Variants in ANKRD13C observed in about 807,000 individuals in gnomAD.
ANKRD13C encodes the protein ankyrin repeat domain-containing protein 13C.
Under a neutral mutation model 65.5 loss-of-function variants are expected in ANKRD13C, and 16 were observed. That is an observed-to-expected ratio of 0.24 (90% CI 0.17 to 0.37). The LOEUF (loss-of-function observed/expected upper bound fraction) is 0.37, where lower values mean the gene tolerates loss of function less well. Among genes scored for constraint, ANKRD13C ranks in the 10% least tolerant of loss-of-function variants. ANKRD13C has a pLI of 1.00. For missense variants in ANKRD13C, 503 were observed against 655.9 expected (o/e 0.77, Z 2.55); for synonymous variants, 235 against 238.7 (o/e 0.98, Z 0.14).
rs148713883 is a variant in ANKRD13C at position 70,306,327 on chromosome 1, C to T, written c.710-37G>A. 2.7e-3 allele frequency: 3,669 copies of T among 1,361,292 alleles called. 4 individuals are homozygous for T. Among genetic ancestry groups the T allele is most frequent in the Middle Eastern group, 7.2e-3 (38 of 5,292 alleles). 84.3% of individuals were successfully genotyped at this position (1,361,292 alleles called of 1,614,324 possible). On this transcript the variant is annotated intron_variant, in intron 5 of 12. Coordinates refer to ENST00000370944, the MANE Select transcript of ANKRD13C (RefSeq NM_030816.5). Reference sequence around the variant, plus strand: ...AAAACAAAAGGTAAAAAATAACTACCTAAATTTTGAGATATTTACAAACTT... The same window carrying T: ...AAAACAAAAGGTAAAAAATAACTACTTAAATTTTGAGATATTTACAAACTT...
chr1:70,320,923 G>C (rs1421863104), intron 3 of ANKRD13C, among the ~76,000 whole-genome samples: 1 of 151,944 alleles, frequency 6.6e-6, no homozygotes, highest in Non-Finnish European at 1.5e-5. Context: ...CCGCGTAGCT[G>C]GGACTACAGG....
In ANKRD13C at chr1:70,339,788, CTTCT is replaced by C. The variant is rs1682220347; in HGVS notation, c.431-3693_431-3690del. ...GATTCCTAATATCTGTTATTTGTGCCTTCTTTTTCTCTTGATCAGTACGTTTATT... is the reference window on the plus strand; with the variant it reads ...GATTCCTAATATCTGTTATTTGTGCCTTTTCTCTTGATCAGTACGTTTATT... On this transcript the variant is annotated intron_variant, in intron 1 of 12. Coordinates refer to ENST00000370944, the MANE Select transcript of ANKRD13C (RefSeq NM_030816.5). Among the ~76,000 whole-genome samples the C allele has an allele frequency of 2.7e-5, 4 of 148,500 alleles. No homozygotes were observed. The East Asian group carries it at 7.8e-4, about 29-fold the overall frequency.
At chr1:70,267,598 C>T (rs894148365) in intron 12 of ANKRD13C, among the ~76,000 whole-genome samples, 1 of 152,048 alleles carries the variant, frequency 6.6e-6, no homozygotes, top group Admixed American at 6.5e-5. Context: ...ATATTTAGAC[C>T]ATTTACATTT....
intron 3 of ANKRD13C, among the ~76,000 whole-genome samples, chr1:70,322,348 C>T (rs1681347049): frequency 6.6e-6 from 1 of 152,004 alleles, no homozygotes; most frequent in Non-Finnish European, 1.5e-5. Context: ...TTTAAGTTAG[C>T]AGTTAAGTAT....
intron 1 of ANKRD13C, among the ~76,000 whole-genome samples, chr1:70,352,038 T>C (rs1682762234): frequency 6.6e-6 from 1 of 152,020 alleles, no homozygotes; most frequent in South Asian, 2.1e-4. Flanking sequence ...AAAACCTTCC[T>C]TTAAAAAAGT....
intron 7 of ANKRD13C, among the ~76,000 whole-genome samples, chr1:70,297,849 G>T (rs569265999): frequency 2.7e-5 from 4 of 150,312 alleles, no homozygotes; most frequent in Non-Finnish European, 5.9e-5. Flanking sequence ...GGAGGTGGAG[G>T]TTGCGGTGAG....
In ANKRD13C at chr1:70,308,809, AC is replaced by A. The variant is rs1459847657; in HGVS notation, c.710-2520del. On this transcript the variant is annotated intron_variant, in intron 5 of 12. Coordinates refer to ENST00000370944, the MANE Select transcript of ANKRD13C (RefSeq NM_030816.5). ...AACAAACAACCAAACAAATAAAAAA[AC>A]ATTTCTGATAGATTTTAATGCATTC... Among the ~76,000 whole-genome samples, 14 of 152,086 alleles carry A rather than the reference AC, an allele frequency of 9.2e-5. No homozygotes were observed. The South Asian group carries it at 1.0e-3, about 11-fold the overall frequency.
intron 1 of ANKRD13C, among the ~76,000 whole-genome samples, chr1:70,337,146 AACACACACACAC>A (rs58715407): frequency 1.4e-4 from 21 of 145,436 alleles, no homozygotes; most frequent in South Asian, 4.4e-4. Flanking sequence ...CCATGATTCA[AACACACACACAC>A]ACACACACAC....
In ANKRD13C at chr1:70,260,322, C is replaced by T. The variant is rs1041560375; in HGVS notation, c.*2395G>A. ...ATTTTCTCAAAGATGGAAACCATAT[C>T]TTCTCTGGATACCATACCAGTGGGC... On this transcript the variant is annotated 3_prime_UTR_variant, in exon 13 of 13. Transcript: ENST00000370944. 6.6e-6 allele frequency among the ~76,000 whole-genome samples: 1 copy of T among 152,126 alleles called. No homozygotes were observed.
At chr1:70,296,075 G>A in intron 8 of ANKRD13C, 55 bp downstream of exon 8, 4 of 1,566,752 alleles carry the variant, frequency 2.6e-6, no homozygotes, top group Non-Finnish European at 3.5e-6. Flanking sequence ...CGTTATTTTG[G>A]AAATATTAAA....
chr1:70,271,664 G>T (rs1678888182), intron 11 of ANKRD13C, among the ~76,000 whole-genome samples: 1 of 152,026 alleles, frequency 6.6e-6, no homozygotes, highest in Non-Finnish European at 1.5e-5. Context: ...TCCCTTTTCT[G>T]CCCGGATGCC....
intron 9 of ANKRD13C, among the ~76,000 whole-genome samples, chr1:70,286,751 C>T (rs193266621): frequency 3.5e-4 from 54 of 152,202 alleles, no homozygotes; most frequent in Middle Eastern, 6.8e-3. Context: ...TTTAGGAGGT[C>T]GAGGCAGGCA....
At chr1:70,299,870 C>T (rs1345155278) in intron 7 of ANKRD13C, among the ~76,000 whole-genome samples, 1 of 152,082 alleles carries the variant, frequency 6.6e-6, no homozygotes, top group Non-Finnish European at 1.5e-5. Context: ...AAATCATCAA[C>T]CTATAGGACT....
chr1:70,287,113 G>A (rs1243950162), intron 9 of ANKRD13C, among the ~76,000 whole-genome samples: 1 of 151,882 alleles, frequency 6.6e-6, no homozygotes, highest in Non-Finnish European at 1.5e-5. Context: ...TTTTATGATA[G>A]TCTCAAAAAT....
rs796719951 is a variant in ANKRD13C at position 70,259,117 on chromosome 1, C to T, written c.*3600G>A. Among the ~76,000 whole-genome samples, 93 of 152,246 alleles carry T rather than the reference C, an allele frequency of 6.1e-4. No individual in the cohort carries two copies. The highest frequency in any genetic ancestry group is 2.1e-3 in the African/African-American group (86 of 41,536). Reference sequence around the variant, plus strand: ...AATGACAAAATCACCTGATGCATTCCACAGAACATGTACCCATCATTAAGT... The same window carrying T: ...AATGACAAAATCACCTGATGCATTCTACAGAACATGTACCCATCATTAAGT... On this transcript the variant is annotated 3_prime_UTR_variant, in exon 13 of 13. Coordinates refer to ENST00000370944, the MANE Select transcript of ANKRD13C (RefSeq NM_030816.5).
chr1:70,290,540 T>C (rs1208082675), intron 9 of ANKRD13C, among the ~76,000 whole-genome samples: 1 of 130,406 alleles, frequency 7.7e-6, no homozygotes, highest in Non-Finnish European at 1.6e-5. Flanking sequence ...ATTTTTCTCC[T>C]TTTTTTTTTT....
At position 70,354,630 on chromosome 1, in the gene ANKRD13C, G is replaced by A. The variant is rs17131260; in HGVS notation, c.-222C>T. On this transcript the variant is annotated 5_prime_UTR_variant, in exon 1 of 13. Coordinates refer to ENST00000370944, the MANE Select transcript of ANKRD13C (RefSeq NM_030816.5). ...GCTCGCTGGGGGAAGCTAGAACTCAGGTGCCCACGACACCAGGATCTCAGT... is the reference window on the plus strand; with the variant it reads ...GCTCGCTGGGGGAAGCTAGAACTCAAGTGCCCACGACACCAGGATCTCAGT... The A allele has an allele frequency of 4.7e-3, 5,195 of 1,107,126 alleles. 107 individuals are homozygous for A. The African/African-American group carries it at 0.056, about 12-fold the overall frequency. The allele number at this position is 1,107,126 out of a possible 1,614,324, so 68.6% of individuals were successfully genotyped here. A position where few individuals can be genotyped will look rare whatever the true frequency, so the allele number is the denominator to read the frequency against.
At chr1:70,268,330 T>C (rs1678723594) in intron 12 of ANKRD13C, among the ~76,000 whole-genome samples, 1 of 152,072 alleles carries the variant, frequency 6.6e-6, no homozygotes, top group Non-Finnish European at 1.5e-5. Context: ...CCACCACACC[T>C]GGCTAATTTT....
chr1:70,353,810 C>T (rs1682861230), intron 1 of ANKRD13C, among the ~76,000 whole-genome samples, 169 bp downstream of exon 1: 1 of 152,098 alleles, frequency 6.6e-6, no homozygotes, highest in Non-Finnish European at 1.5e-5. Context: ...AAGAACCAAC[C>T]CCTTGACCAC....
Sources: gnomAD v4.1 joint callset for allele counts (sites outside exome capture counted in the v4.1 genomes callset) on GRCh38, gnomAD v4.1.1 for gene constraint, MANE v1.5 for transcripts, NCBI Gene and HGNC (gene_info 2026-07-23, HGNC 2026-07-21) for gene names.